C6orf62: variants seen among roughly 807,000 people sequenced by gnomAD.
C6orf62 encodes uncharacterized protein C6orf62.
C6orf62 carries 16 observed loss-of-function variants against 26.8 expected under a neutral mutation model. The ratio of observed to expected loss-of-function variants is 0.60; its 90% confidence interval spans 0.40 to 0.91. The LOEUF (loss-of-function observed/expected upper bound fraction) is 0.91, where lower values mean the gene tolerates loss of function less well. C6orf62 is among the 40% of genes least tolerant of loss of function. C6orf62 has a pLI of 0.00. For synonymous variants in C6orf62, 112 were observed against 91.5 expected (o/e 1.22, Z -1.28); for missense variants, 192 against 271.4 (o/e 0.71, Z 2.06).
At chr6:24,708,573 A>C (rs1779059319) in intron 4 of C6orf62, among the ~76,000 whole-genome samples, 1 of 152,170 alleles carries the variant, frequency 6.6e-6, no homozygotes, top group African/African-American at 2.4e-5. Flanking sequence ...CCTGAGCTCA[A>C]GCAATATGCC....
chr6:24,714,516 T>G, intron 2 of C6orf62, 76 bp from the exon 3 acceptor site: 3 of 1,110,558 alleles, frequency 2.7e-6, no homozygotes, highest in African/African-American at 1.6e-5. Flanking sequence ...AATTATAGGG[T>G]TCCCCTATAA....
chr6:24,713,179 G>A (rs1254892567), intron 3 of C6orf62, among the ~76,000 whole-genome samples: 8 of 152,188 alleles, frequency 5.3e-5, no homozygotes, highest in African/African-American at 1.9e-4. Flanking sequence ...CCTGGATGTA[G>A]TCCCATCATA....
chr6:24,719,050 A>C lies in C6orf62; in HGVS notation c.-382T>G. The stretch of plus-strand genomic sequence containing the variant: ...ATAATCAGGATTTAGGTGTGCAATA[A>C]AACACAGCTGACACCAGACCAATCC... On this transcript the variant is annotated 5_prime_UTR_variant, in exon 1 of 5. Transcript: ENST00000378119. 9.5e-7 allele frequency: 1 copy of C among 1,049,706 alleles called. No individual in the cohort carries two copies. The highest frequency in any genetic ancestry group is 1.1e-6 in the Non-Finnish European group (1 of 870,178). The allele number at this position is 1,049,706 out of a possible 1,614,324, so 65.0% of individuals were successfully genotyped here.
chr6:24,714,515 G>T, intron 2 of C6orf62, 75 bp from the exon 3 acceptor site: 5 of 1,132,652 alleles, frequency 4.4e-6, no homozygotes, highest in Non-Finnish European at 6.2e-6. Context: ...AAATTATAGG[G>T]TTCCCCTATA....
intron 4 of C6orf62, 85 bp downstream of exon 4, chr6:24,708,692 C>T: frequency 6.5e-7 from 1 of 1,545,048 alleles, no homozygotes; most frequent in Non-Finnish European, 8.9e-7. Flanking sequence ...GGGGACACAA[C>T]AATTAAGTAA....
At chr6:24,720,552 G>T, upstream of C6orf62, 1 of 246,680 alleles carries the variant, frequency 4.1e-6, no homozygotes, top group Non-Finnish European at 6.6e-6. Context: ...GAGTTGGATT[G>T]GTACTGGCGG....
rs745494685 is a variant in C6orf62, at chr6:24,704,879, T to C, written c.*1258A>G. On this transcript the variant is annotated 3_prime_UTR_variant, in exon 5 of 5. Transcript: ENST00000378119. ...TTCAAACTTTGTGTATTCACCTGAA[T>C]AGTCAGGGAACTTTCACCTATTTTA... 6.6e-6 allele frequency: 1 copy of C among 152,302 alleles called. No homozygotes were observed. The highest frequency in any genetic ancestry group is 1.5e-5 in the Non-Finnish European group (1 of 68,030). 9.4% of individuals were successfully genotyped at this position (152,302 alleles called of 1,614,324 possible).
intron 4 of C6orf62, 57 bp from the exon 5 acceptor site, chr6:24,706,319 A>C (rs1476599995): frequency 1.3e-6 from 2 of 1,593,400 alleles, no homozygotes; most frequent in East Asian, 4.5e-5. Flanking sequence ...CGTAACTGTC[A>C]CATGAAGTCC....
intron 4 of C6orf62, chr6:24,707,216 A>G (rs902095870): frequency 1.3e-5 from 2 of 152,240 alleles, no homozygotes; most frequent in Non-Finnish European, 2.9e-5. Context: ...CCTTAGGATT[A>G]TCATTTGTTC....
upstream of C6orf62, chr6:24,720,300 G>C (rs202020137): frequency 5.5e-6 from 7 of 1,277,590 alleles, no homozygotes; most frequent in East Asian, 5.1e-5. Flanking sequence ...GCGGCGGCGG[G>C]GGCGCTGCTG....
intron 3 of C6orf62, chr6:24,710,697 T>A: frequency 1.1e-6 from 1 of 876,152 alleles, no homozygotes; most frequent in Non-Finnish European, 1.4e-6. Context: ...GTAGTAATGG[T>A]AAGTAATCTG....
Position 24,714,399 on chromosome 6 carries a change from C to G in C6orf62, c.348G>C (p.Trp116Cys), listed in dbSNP as rs34238213. The G allele has an allele frequency of 6.2e-7, 1 of 1,609,018 alleles. No individual in the cohort carries two copies. Among genetic ancestry groups the G allele is most frequent in the Non-Finnish European group, 8.5e-7 (1 of 1,177,286 alleles). The change falls in exon 3 of 5, where the codon TGG becomes TGC. Residue 116 changes from tryptophan (W) to cysteine (C), a missense_variant. By Grantham distance (215) the Trp-to-Cys change is radical. Transcript: ENST00000378119. ...GCTQEMDFIL[W>C]PRNDIEKIVC... ...CGATTTTTTCAATATCATTCCGAGG[C>G]CAAAGAATGAAATCCATCTCCTGAG... is the stretch of plus-strand genomic sequence containing the variant.
rs1371199693 is a variant in C6orf62, at chr6:24,716,341, T to TG, written c.130-18dup. On this transcript the variant is annotated splice_polypyrimidine_tract_variant and intron_variant, in intron 1 of 4. Transcript: ENST00000378119. The stretch of plus-strand genomic sequence containing the variant: ...CTTTTTCTTCTAGAAGAAAAGAAAA[T>TG]GGTGTATTAACCCACAGGGAGCACA... The TG allele has an allele frequency of 6.2e-7, 1 of 1,604,224 alleles. No individual in the cohort carries two copies. Among genetic ancestry groups the TG allele is most frequent in the Non-Finnish European group, 8.5e-7 (1 of 1,171,786 alleles).
At chr6:24,712,690 C>CCA (rs1779145158) in intron 3 of C6orf62, among the ~76,000 whole-genome samples, 1 of 100,700 alleles carries the variant, frequency 9.9e-6, no homozygotes, top group African/African-American at 3.8e-5. Flanking sequence ...GACTCTGTCT[C>CCA]AAAAAAAAAA....
At chr6:24,719,584 C>T (rs975146911), upstream of C6orf62, 71 of 1,356,650 alleles carry the variant, frequency 5.2e-5, no homozygotes, top group Middle Eastern at 2.8e-4. Flanking sequence ...GTATATAATA[C>T]GGTATTAATT....
Position 24,716,798 on chromosome 6 carries a change from CT to C in C6orf62, c.130-475del, listed in dbSNP as rs374020318. On this transcript the variant is annotated intron_variant, in intron 1 of 4. Coordinates refer to ENST00000378119, the MANE Select transcript of C6orf62 (RefSeq NM_030939.5). ...AGGGCAGTGGCACCATCTTGGCTCA[CT>C]TGCAACCTCTGCCTCCTGGGTTCGA... 6.0e-4 allele frequency among the ~76,000 whole-genome samples: 91 copies of C among 152,046 alleles called. No individual in the cohort carries two copies. The South Asian group carries it at 0.017, about 29-fold the overall frequency.
intron 3 of C6orf62, among the ~76,000 whole-genome samples, chr6:24,712,776 CA>C (rs1034931519): frequency 2.0e-5 from 3 of 150,504 alleles, no homozygotes; most frequent in African/African-American, 7.3e-5. Context: ...CTATTTGACA[CA>C]AGACTAAAGT....
chr6:24,717,694 A>C (rs1373080076), intron 1 of C6orf62, among the ~76,000 whole-genome samples: 1 of 152,226 alleles, frequency 6.6e-6, no homozygotes, highest in Non-Finnish European at 1.5e-5. Flanking sequence ...CTTAATAGAT[A>C]CCACACTAAG....
intron 4 of C6orf62, among the ~76,000 whole-genome samples, chr6:24,707,941 G>A (rs1412111256): frequency 6.6e-6 from 1 of 151,940 alleles, no homozygotes; most frequent in Non-Finnish European, 1.5e-5. Flanking sequence ...AACCCGGAAG[G>A]TGGAGCTTGC....
Sources: gnomAD v4.1 joint callset for allele counts (sites outside exome capture counted in the v4.1 genomes callset) on GRCh38, gnomAD v4.1.1 for gene constraint, MANE v1.5 for transcripts, NCBI Gene and HGNC (gene_info 2026-07-23, HGNC 2026-07-21) for gene names.